HHIP: variants seen among roughly 807,000 people sequenced by gnomAD.
The protein encoded by HHIP is hedgehog interacting protein.
Under a neutral mutation model 74.0 loss-of-function variants are expected in HHIP, and 12 were observed. The ratio of observed to expected loss-of-function variants is 0.16; its 90% CI spans 0.10 to 0.26. The LOEUF is 0.26. Among genes scored for constraint, HHIP ranks in the 10% least tolerant of loss-of-function variants. The pLI is 1.00. For synonymous variants in HHIP, 309 were observed against 311.6 expected (o/e 0.99, Z 0.09); for missense variants, 788 against 845.0 (o/e 0.93, Z 0.84).
At position 144,739,087 on chromosome 4, in the gene HHIP, A is replaced by C. The variant is rs547658542; in HGVS notation, c.*1130A>C. On this transcript the variant is annotated 3_prime_UTR_variant, in exon 13 of 13. Coordinates refer to ENST00000296575, the MANE Select transcript of HHIP (RefSeq NM_022475.3). Reference sequence around the variant, plus strand: ...GCTGTCACCTGTACAAATTTTTAACATAATAATTCTTGCCAAATATGACTT... The same window carrying C: ...GCTGTCACCTGTACAAATTTTTAACCTAATAATTCTTGCCAAATATGACTT... 1 of 152,360 alleles carries C rather than the reference A, an allele frequency of 6.6e-6. No homozygotes were observed. The highest frequency in any genetic ancestry group is 2.4e-5 in the African/African-American group (1 of 41,592). 9.4% of individuals were successfully genotyped at this position (152,360 alleles called of 1,614,324 possible).
At chr4:144,684,610 A>AT (rs891870942) in intron 4 of HHIP, among the ~76,000 whole-genome samples, 1 of 152,054 alleles carries the variant, frequency 6.6e-6, no homozygotes, top group Non-Finnish European at 1.5e-5. Context: ...CTAGAATAAC[A>AT]TTTGTACAAG....
chr4:144,685,842 A>G (rs1208545110), intron 4 of HHIP, among the ~76,000 whole-genome samples: 1 of 152,244 alleles, frequency 6.6e-6, no homozygotes, highest in Non-Finnish European at 1.5e-5. Context: ...CTTTGCTTAT[A>G]GTAAAACTGA....
intron 11 of HHIP, among the ~76,000 whole-genome samples, chr4:144,733,382 G>C (rs1023469600): frequency 7.2e-5 from 11 of 152,062 alleles, no homozygotes; most frequent in African/African-American, 2.7e-4. Flanking sequence ...GAAGAGCTAG[G>C]GAAGCCACCG....
At chr4:144,725,168 GAT>G (rs1175647750) in intron 11 of HHIP, among the ~76,000 whole-genome samples, 1 of 152,116 alleles carries the variant, frequency 6.6e-6, no homozygotes, top group Non-Finnish European at 1.5e-5. Flanking sequence ...TGTTGCATTA[GAT>G]ATGTCTGAAA....
In HHIP at chr4:144,707,255, G is replaced by C; in HGVS notation, c.1152G>C (p.Gly384=). ...ITLDDMEEMD[G]LSDFTGSVLR... is the part of the protein sequence containing the mutation. ...TGGATGATATGGAAGAAATGGATGGGTTAAGGTAAAAGGCTGATCACAGAT... is the reference window on the plus strand; with the variant it reads ...TGGATGATATGGAAGAAATGGATGGCTTAAGGTAAAAGGCTGATCACAGAT... Residue 384 remains glycine, a synonymous_variant, in exon 6 of 13, where the codon GGG becomes GGC. Coordinates refer to ENST00000296575, the MANE Select transcript of HHIP (RefSeq NM_022475.3). 6.2e-7 allele frequency: 1 copy of C among 1,605,712 alleles called. No homozygotes were observed. Among genetic ancestry groups the C allele is most frequent in the Admixed American group, 1.7e-5 (1 of 58,712 alleles).
intron 10 of HHIP, chr4:144,715,752 G>C (rs1730430329): frequency 6.0e-6 from 1 of 166,660 alleles, no homozygotes; most frequent in East Asian, 1.6e-4. Context: ...TTATACATCT[G>C]AGTAGTTTGT....
chr4:144,665,259 G>A (rs992667654), intron 4 of HHIP, among the ~76,000 whole-genome samples: 1 of 152,080 alleles, frequency 6.6e-6, no homozygotes, highest in African/African-American at 2.4e-5. Context: ...AGTAGAGACA[G>A]GGTTTCCTCA....
chr4:144,704,638 A>T (rs1730079511), intron 4 of HHIP, among the ~76,000 whole-genome samples: 1 of 152,264 alleles, frequency 6.6e-6, no homozygotes, highest in Admixed American at 6.5e-5. Context: ...AAAACTACAA[A>T]GAACTACTTT....
chr4:144,744,515 T>C lies in HHIP; in HGVS notation c.*6558T>C, dbSNP rs1313966463. On this transcript the variant is annotated 3_prime_UTR_variant, in exon 13 of 13. Coordinates refer to ENST00000296575, the MANE Select transcript of HHIP (RefSeq NM_022475.3). The stretch of plus-strand genomic sequence containing the variant: ...TATTTGAATAGGTAGTAAAGGCAGG[T>C]ACAAGTTTAAGGGAGCAGGGCTATC... 1 of 152,168 alleles carries C rather than the reference T, an allele frequency of 6.6e-6. No homozygotes were observed. Among genetic ancestry groups the C allele is most frequent in the African/African-American group, 2.4e-5 (1 of 41,422 alleles). The allele number at this position is 152,168 out of a possible 1,614,324, so 9.4% of individuals were successfully genotyped here.
intron 2 of HHIP, among the ~76,000 whole-genome samples, chr4:144,657,589 A>G (rs1020632299): frequency 6.6e-6 from 1 of 152,170 alleles, no homozygotes; most frequent in Non-Finnish European, 1.5e-5. Context: ...GAAAGGTAAT[A>G]CCTTATTAAC....
In HHIP at chr4:144,739,370, C is replaced by G. The variant is rs765432333; in HGVS notation, c.*1413C>G. 1 of 152,214 alleles carries G rather than the reference C, an allele frequency of 6.6e-6. No homozygotes were observed. The allele number at this position is 152,214 out of a possible 1,614,324, so 9.4% of individuals were successfully genotyped here. On this transcript the variant is annotated 3_prime_UTR_variant, in exon 13 of 13. Coordinates refer to ENST00000296575, the MANE Select transcript of HHIP (RefSeq NM_022475.3). ...ACAAGTGCACACCCACTATGGCTGT[C>G]CTTCTTCTGTAAACATCCATTCCTC... is the stretch of plus-strand genomic sequence containing the variant.
At position 144,740,422 on chromosome 4, in the gene HHIP, T is replaced by A. The variant is rs1731234669; in HGVS notation, c.*2465T>A. ...CCTTTTCTTTTGTGAGTCATTAGAATGAAAGGCCAAGTTCTTCTCAAGAGA... is the reference window on the plus strand; with the variant it reads ...CCTTTTCTTTTGTGAGTCATTAGAAAGAAAGGCCAAGTTCTTCTCAAGAGA... On this transcript the variant is annotated 3_prime_UTR_variant, in exon 13 of 13. Transcript: ENST00000296575. 1 of 152,172 alleles carries A rather than the reference T, an allele frequency of 6.6e-6. No homozygotes were observed. The highest frequency in any genetic ancestry group is 1.5e-5 in the Non-Finnish European group (1 of 68,032). 9.4% of individuals were successfully genotyped at this position (152,172 alleles called of 1,614,324 possible).
chr4:144,734,641 A>G (rs1731055918), intron 11 of HHIP, 100 bp from the exon 12 acceptor site: 2 of 966,004 alleles, frequency 2.1e-6, no homozygotes, highest in South Asian at 2.6e-5. Flanking sequence ...GTCTCTCTAG[A>G]AAGTAAGAGG....
intron 7 of HHIP, 50 bp from the exon 8 acceptor site, chr4:144,711,900 T>C: frequency 6.3e-7 from 1 of 1,575,776 alleles, no homozygotes; most frequent in Non-Finnish European, 8.6e-7. Context: ...CAGTCTGAGC[T>C]TGGAAAAGAT....
rs149217399 is a variant in HHIP at position 144,738,403 on chromosome 4, T to C, written c.*446T>C. The C allele has an allele frequency of 1.2e-4, 119 of 961,342 alleles. No homozygotes were observed. Among genetic ancestry groups the C allele is most frequent in the Non-Finnish European group, 1.5e-4 (119 of 807,650 alleles). 59.6% of individuals were successfully genotyped at this position (961,342 alleles called of 1,614,324 possible). A position where few individuals can be genotyped will look rare whatever the true frequency, so the allele number is the denominator to read the frequency against. The stretch of plus-strand genomic sequence containing the variant: ...AAAAGGCAATATTTTTATATTAAAG[T>C]ACTATACTAGGAGAGAATGTTTCAG... On this transcript the variant is annotated 3_prime_UTR_variant, in exon 13 of 13. Coordinates refer to ENST00000296575, the MANE Select transcript of HHIP (RefSeq NM_022475.3).
rs1340451334 is a variant in HHIP at position 144,692,272 on chromosome 4, CAA to C, written c.832-14257_832-14256del. ...CCTGGAAGTCACATAAGCGAAGATT[CAA>C]ACCCAACTGTCATGTAATAGAGCCC... On this transcript the variant is annotated intron_variant, in intron 4 of 12. Transcript: ENST00000296575. Among the ~76,000 whole-genome samples the C allele has an allele frequency of 1.6e-4, 24 of 152,204 alleles. No individual in the cohort carries two copies. The East Asian group carries it at 4.6e-3, about 29-fold the overall frequency.
At chr4:144,649,535 A>T (rs946861171) in intron 1 of HHIP, among the ~76,000 whole-genome samples, 3 of 152,194 alleles carry the variant, frequency 2.0e-5, no homozygotes, top group African/African-American at 7.2e-5. Context: ...TACTGTCAAA[A>T]TTTAGGAAGT....
At chr4:144,730,252 A>G (rs1466008492) in intron 11 of HHIP, among the ~76,000 whole-genome samples, 1 of 152,088 alleles carries the variant, frequency 6.6e-6, no homozygotes, top group Non-Finnish European at 1.5e-5. Context: ...ATTTTTTTAA[A>G]TTTCTGAAAA....
intron 7 of HHIP, 71 bp downstream of exon 7, chr4:144,708,382 C>A: frequency 1.3e-6 from 2 of 1,499,594 alleles, no homozygotes; most frequent in Non-Finnish European, 1.8e-6. Context: ...GAAAATATAG[C>A]ATAGAGCATA....
Sources: allele counts gnomAD v4.1 joint callset (sites outside exome capture counted in the v4.1 genomes callset), GRCh38; gene constraint gnomAD v4.1.1; transcripts MANE v1.5; gene names NCBI Gene and HGNC (gene_info 2026-07-23, HGNC 2026-07-21).